The following EDDM13 variants were observed in gnomAD, a reference collection of about 807,000 sequenced individuals.
EDDM13 encodes the protein epididymal protein 13.
In EDDM13, 24 loss-of-function variants were observed where a neutral mutation model predicts 17.8. That is an observed-to-expected ratio of 1.35 (90% CI 0.98 to 1.90). EDDM13 has a LOEUF of 1.90. EDDM13 is among the 40% of genes most tolerant of loss of function. The pLI is 0.00. For synonymous variants in EDDM13, 31 were observed against 37.5 expected (o/e 0.83, Z 0.63); for missense variants, 97 against 100.8 (o/e 0.96, Z 0.16).
chr19:56,302,378 TTC>T (rs1171925279), intron 13 of EDDM13, among the ~76,000 whole-genome samples: 14 of 137,988 alleles, frequency 1.0e-4, no homozygotes, highest in Non-Finnish European at 2.0e-4. Context: ...TACTTCCTCC[TTC>T]TCTCTCCTCC....
chr19:56,291,437 G>C (rs900586048), intron 9 of EDDM13, among the ~76,000 whole-genome samples: 4 of 152,196 alleles, frequency 2.6e-5, no homozygotes, highest in African/African-American at 9.7e-5. Flanking sequence ...CCAGCCTATC[G>C]CATTAATCTG....
At chr19:56,291,461 TTC>T (rs1378817003) in intron 9 of EDDM13, among the ~76,000 whole-genome samples, 1 of 152,182 alleles carries the variant, frequency 6.6e-6, no homozygotes, top group Non-Finnish European at 1.5e-5. Flanking sequence ...GACACTTTAT[TTC>T]TCTTTTTTGG....
rs1048696404 is a variant in EDDM13 at position 56,282,446 on chromosome 19, T to G, written c.110-45T>G. Reference sequence around the variant, plus strand: ...CCTTCATTGGCAATATGGTTCCCACTGGCTACCATCGGTCCTGTCCTTCCT... The same window carrying G: ...CCTTCATTGGCAATATGGTTCCCACGGGCTACCATCGGTCCTGTCCTTCCT... On this transcript the variant is annotated intron_variant, in intron 3 of 14. Transcript: ENST00000649256. 12 of 983,200 alleles carry G rather than the reference T, an allele frequency of 1.2e-5. No individual in the cohort carries two copies. The Admixed American group carries it at 6.2e-4, about 50-fold the overall frequency. 60.9% of individuals were successfully genotyped at this position (983,200 alleles called of 1,614,324 possible).
intron 9 of EDDM13, among the ~76,000 whole-genome samples, chr19:56,291,591 T>A (rs1432332646): frequency 6.6e-6 from 1 of 152,166 alleles, no homozygotes; most frequent in Non-Finnish European, 1.5e-5. Context: ...CAATGCCCAC[T>A]GGATCTTCTG....
At chr19:56,301,126 A>T (rs1361876813) in intron 12 of EDDM13, among the ~76,000 whole-genome samples, 1 of 152,196 alleles carries the variant, frequency 6.6e-6, no homozygotes, top group Non-Finnish European at 1.5e-5. Context: ...GCAAGAAAGA[A>T]TTTGAGGCAA....
chr19:56,277,459 G>A (rs994421201), intron 2 of EDDM13, among the ~76,000 whole-genome samples: 6 of 150,186 alleles, frequency 4.0e-5, no homozygotes, highest in African/African-American at 7.4e-5. Context: ...ACCTGATTCC[G>A]TTTACCGTAT....
intron 4 of EDDM13, chr19:56,283,913 G>A (rs1337425854): frequency 6.6e-6 from 1 of 150,916 alleles, no homozygotes; most frequent in Admixed American, 6.6e-5. Flanking sequence ...AACGGTTCAT[G>A]ATTACTGTCC....
rs2040432415 is a variant in EDDM13 at position 56,302,782 on chromosome 19, T to C, written c.423+687T>C. 3 of 394,598 alleles carry C rather than the reference T, an allele frequency of 7.6e-6. No homozygotes were observed. In the South Asian group the frequency reaches 3.9e-4, roughly 51 times the overall value. The allele number at this position is 394,598 out of a possible 1,614,324, so 24.4% of individuals were successfully genotyped here. The stretch of plus-strand genomic sequence containing the variant: ...GCACTAACACAGCCCCAGGGGCTCC[T>C]TTGAAATACTGTCACTCATTCTGCC... On this transcript the variant is annotated intron_variant, in intron 13 of 14. Transcript: ENST00000649256.
intron 1 of EDDM13, among the ~76,000 whole-genome samples, chr19:56,275,456 T>A (rs373673651): frequency 1.4e-4 from 21 of 152,178 alleles, no homozygotes; most frequent in African/African-American, 5.1e-4. Context: ...ATTGGTTGGG[T>A]GCAGTGGCTC....
Position 56,302,104 on chromosome 19 carries a change from A to G in EDDM13, c.423+9A>G, listed in dbSNP as rs900618284. The G allele has an allele frequency of 1.1e-5, 14 of 1,231,592 alleles. No individual in the cohort carries two copies. Among genetic ancestry groups the G allele is most frequent in the Non-Finnish European group, 1.4e-5 (14 of 987,988 alleles). The allele number at this position is 1,231,592 out of a possible 1,614,324, so 76.3% of individuals were successfully genotyped here. A position where few individuals can be genotyped will look rare whatever the true frequency, so the allele number is the denominator to read the frequency against. On this transcript the variant is annotated intron_variant, in intron 13 of 14. Coordinates refer to ENST00000649256, the MANE Select transcript of EDDM13 (RefSeq NM_001354658.2). ...ACAACAAAGGGGACTGGGTAAGAAGAAGGCAGCACGGAGGGGAGGAGTGTG... is the reference window on the plus strand; with the variant it reads ...ACAACAAAGGGGACTGGGTAAGAAGGAGGCAGCACGGAGGGGAGGAGTGTG...
intron 14 of EDDM13, among the ~76,000 whole-genome samples, chr19:56,307,787 T>G (rs1222664785): frequency 3.9e-5 from 6 of 152,266 alleles, no homozygotes; most frequent in Non-Finnish European, 8.8e-5. Context: ...GTCCATGTGC[T>G]ATATTTTGGG....
At chr19:56,276,915 T>A (rs1050449915) in intron 2 of EDDM13, among the ~76,000 whole-genome samples, 1 of 151,974 alleles carries the variant, frequency 6.6e-6, no homozygotes, top group Non-Finnish European at 1.5e-5. Context: ...TTACAAATAT[T>A]ATAAATATTT....
intron 9 of EDDM13, among the ~76,000 whole-genome samples, chr19:56,293,092 A>G (rs1568709322): frequency 6.6e-6 from 1 of 151,770 alleles, no homozygotes; most frequent in African/African-American, 2.4e-5. Context: ...CCACCTCCAA[A>G]CCCCACTTCT....
chr19:56,287,157 G>A lies in EDDM13; in HGVS notation c.155-1228G>A, dbSNP rs1027258106. On this transcript the variant is annotated intron_variant, in intron 6 of 14. Coordinates refer to ENST00000649256, the MANE Select transcript of EDDM13 (RefSeq NM_001354658.2). ...AGTTTCCGAGTTTTGTCCATCTTAG[G>A]TGGTGAAACCACCATGCACTTTCTC... 2.0e-5 allele frequency among the ~76,000 whole-genome samples: 3 copies of A among 152,188 alleles called. No individual in the cohort carries two copies. In the East Asian group the frequency reaches 5.8e-4, roughly 29 times the overall value.
chr19:56,288,799 C>G (rs140669028), intron 7 of EDDM13, among the ~76,000 whole-genome samples, 75 bp from the exon 8 acceptor site: 1 of 152,154 alleles, frequency 6.6e-6, no homozygotes, highest in Non-Finnish European at 1.5e-5. Context: ...GTCTGAGACC[C>G]GTGTCTTAAT....
chr19:56,284,933 T>C (rs1385238527), intron 5 of EDDM13, 65 bp from the exon 6 acceptor site: 4 of 834,650 alleles, frequency 4.8e-6, no homozygotes, highest in African/African-American at 1.8e-5. Context: ...CTGGGAGAAA[T>C]CCATTAATTA....
At chr19:56,273,073 G>A (rs1291611144) in intron 1 of EDDM13, among the ~76,000 whole-genome samples, 154 bp downstream of exon 1, 1 of 152,128 alleles carries the variant, frequency 6.6e-6, no homozygotes, top group Non-Finnish European at 1.5e-5. Context: ...GGACACAGTG[G>A]GGTGAATGAG....
chr19:56,300,572 A>G (rs1345233800), intron 12 of EDDM13, among the ~76,000 whole-genome samples: 1 of 152,232 alleles, frequency 6.6e-6, no homozygotes, highest in East Asian at 1.9e-4. Flanking sequence ...TGCTGGCCGC[A>G]GGCTTACTTA....
At chr19:56,278,274 T>C (rs554017959) in intron 2 of EDDM13, among the ~76,000 whole-genome samples, 3 of 152,264 alleles carry the variant, frequency 2.0e-5, no homozygotes, top group African/African-American at 7.2e-5. Context: ...GCTGGGACTA[T>C]AGGTGCATGC....
Sources: gnomAD v4.1 joint callset for allele counts (sites outside exome capture counted in the v4.1 genomes callset) on GRCh38, gnomAD v4.1.1 for gene constraint, MANE v1.5 for transcripts, NCBI Gene and HGNC (gene_info 2026-07-23, HGNC 2026-07-21) for gene names.